Variants in MEF2D observed in about 807,000 individuals in gnomAD.
MEF2D encodes the protein myocyte enhancer factor 2D, also known as myocyte-specific enhancer factor 2D.
A neutral mutation model predicts 59.3 loss-of-function variants in MEF2D; 10 were observed. The ratio of observed to expected loss-of-function variants is 0.17; its 90% CI spans 0.10 to 0.29. The LOEUF (loss-of-function observed/expected upper bound fraction) is 0.29. MEF2D is among the 10% of genes least tolerant of loss of function. MEF2D has a pLI of 1.00. For synonymous variants in MEF2D, 305 were observed against 295.0 expected (o/e 1.03, Z -0.35); for missense variants, 508 against 699.4 (o/e 0.73, Z 3.09).
chr1:156,498,972 G>C (rs1232843413), intron 1 of MEF2D, among the ~76,000 whole-genome samples: 2 of 152,192 alleles, frequency 1.3e-5, no homozygotes, highest in Non-Finnish European at 2.9e-5. Context: ...GGGCGGGTGT[G>C]ACCCCGTGGC....
chr1:156,469,036 G>C lies in MEF2D; in HGVS notation c.1007-16C>G. The C allele has an allele frequency of 6.3e-7, 1 of 1,581,902 alleles. No individual in the cohort carries two copies. The highest frequency in any genetic ancestry group is 8.6e-7 in the Non-Finnish European group (1 of 1,156,766). ...AACTGGTAATCTGCATGGAGGAAAA[G>C]TGAGGATGAACCTGGAGTTGGGGAG... On this transcript the variant is annotated splice_polypyrimidine_tract_variant and intron_variant, in intron 9 of 11. Transcript: ENST00000348159.
At chr1:156,480,568 TCAGGGCAGCCGAGAGC>T in intron 4 of MEF2D, 1 of 1,440,426 alleles carries the variant, frequency 6.9e-7, no homozygotes, top group East Asian at 2.5e-5. Context: ...GGAGCACCCA[TCAGGGCAGCCGAGAGC>T]CAGGGCGCGA....
At chr1:156,477,484 G>A (rs530774317) in intron 6 of MEF2D, among the ~76,000 whole-genome samples, 1 of 152,194 alleles carries the variant, frequency 6.6e-6, no homozygotes, top group East Asian at 1.9e-4. Flanking sequence ...GGAAGAACTG[G>A]AAAGCAGCCA....
intron 1 of MEF2D, among the ~76,000 whole-genome samples, chr1:156,493,211 A>C (rs1212187611): frequency 6.6e-6 from 1 of 152,070 alleles, no homozygotes; most frequent in African/African-American, 2.4e-5. Context: ...GGGCCCTCAG[A>C]CTGGACAGCA....
At chr1:156,469,758 G>C (rs1571216778) in intron 9 of MEF2D, among the ~76,000 whole-genome samples, 2 of 152,114 alleles carry the variant, frequency 1.3e-5, no homozygotes, top group South Asian at 4.2e-4. Context: ...GTGGTGGGGT[G>C]CACTGTAGTT....
Position 156,468,241 on chromosome 1 carries a change from T to C in MEF2D, c.1306A>G (p.Ile436Val). 6.3e-7 allele frequency: 1 copy of C among 1,598,182 alleles called. No individual in the cohort carries two copies. The highest frequency in any genetic ancestry group is 8.5e-7 in the Non-Finnish European group (1 of 1,170,366). The change falls in exon 11 of 12, where the codon ATC becomes GTC. Residue 436 changes from isoleucine to valine, a missense_variant. By Grantham distance (29) the Ile-to-Val change is conservative. Around this residue, in one of 2 missense-constraint regions of MEF2D, gnomAD observed 481 missense variants for 584.7 expected, o/e 0.82. Transcript: ENST00000348159. The surrounding 1 kb of genome is among the most constrained non-coding windows in gnomAD (Gnocchi z 4.3). ...GACACCGGTTCTGACTTGATGCTGA[T>C]GTGGGGGTGGGTGGTGACTGTGAGG... ...AALTVTTHPHISIKSEPVSPS... is the reference protein window; with the variant it reads ...AALTVTTHPHVSIKSEPVSPS...
At chr1:156,477,605 C>T (rs1159848820) in intron 6 of MEF2D, among the ~76,000 whole-genome samples, 1 of 152,228 alleles carries the variant, frequency 6.6e-6, no homozygotes, top group Non-Finnish European at 1.5e-5. Context: ...TTAGGTCCCA[C>T]AGTCTACCCC....
intron 1 of MEF2D, among the ~76,000 whole-genome samples, chr1:156,489,522 G>A (rs1419595998): frequency 6.6e-6 from 1 of 152,090 alleles, no homozygotes; most frequent in Non-Finnish European, 1.5e-5. Context: ...TAGAGGAGAG[G>A]GAGAGGCAGG....
rs1445765534 is a variant in MEF2D at position 156,466,030 on chromosome 1, G to GAT, written c.*1613_*1614dup. The stretch of plus-strand genomic sequence containing the variant: ...GGCCAGGCCCCTTAGGGCGGGGGGT[G>GAT]ATCCTAGAGAGCAGGCTGGGGGCCT... On this transcript the variant is annotated 3_prime_UTR_variant, in exon 12 of 12. Transcript: ENST00000348159. 2.0e-5 allele frequency: 3 copies of GAT among 152,150 alleles called. No homozygotes were observed. The highest frequency in any genetic ancestry group is 6.5e-5 in the Admixed American group (1 of 15,280). 9.4% of individuals were successfully genotyped at this position (152,150 alleles called of 1,614,324 possible).
chr1:156,480,671 T>C, intron 4 of MEF2D, 163 bp downstream of exon 4: 1 of 1,564,446 alleles, frequency 6.4e-7, no homozygotes, highest in Non-Finnish European at 8.7e-7. Context: ...CATCATTTTA[T>C]CAAACTCCTC....
intron 1 of MEF2D, among the ~76,000 whole-genome samples, chr1:156,498,419 G>T (rs1437374439): frequency 6.6e-6 from 1 of 152,130 alleles, no homozygotes; most frequent in Non-Finnish European, 1.5e-5. Context: ...CTTGGACTGG[G>T]GCTTCCATGA....
intron 1 of MEF2D, chr1:156,484,129 G>A (rs1571250222): frequency 6.6e-6 from 1 of 152,378 alleles, no homozygotes; most frequent in Middle Eastern, 3.1e-3. Flanking sequence ...AGTGAGAAGA[G>A]AAGAAAGAGT....
chr1:156,476,435 G>A (rs1415770195), intron 8 of MEF2D, 59 bp downstream of exon 8: 10 of 1,578,356 alleles, frequency 6.3e-6, no homozygotes, highest in Non-Finnish European at 8.7e-6. Flanking sequence ...CATGCTGGGG[G>A]ACCGCAGAGC....
In MEF2D at chr1:156,464,564, AGT is replaced by A. The variant is rs1335358947; in HGVS notation, c.*3079_*3080del. The A allele has an allele frequency of 1.3e-5, 2 of 152,104 alleles. No individual in the cohort carries two copies. The highest frequency in any genetic ancestry group is 2.9e-5 in the Non-Finnish European group (2 of 68,052). 9.4% of individuals were successfully genotyped at this position (152,104 alleles called of 1,614,324 possible). A position where few individuals can be genotyped will look rare whatever the true frequency, so the allele number is the denominator to read the frequency against. ...GGCAAATGCCCAGTTCTTCAGAGGG[AGT>A]GGGTGGAGGCGAATTTGGCTTGAGA... is the stretch of plus-strand genomic sequence containing the variant. On this transcript the variant is annotated 3_prime_UTR_variant, in exon 12 of 12. Transcript: ENST00000348159.
At chr1:156,476,947 G>A in intron 7 of MEF2D, 65 bp downstream of exon 7, 1 of 1,579,304 alleles carries the variant, frequency 6.3e-7, no homozygotes, top group Non-Finnish European at 8.7e-7. Flanking sequence ...CTAGAGGTCT[G>A]CTCTTTCCCC....
intron 1 of MEF2D, among the ~76,000 whole-genome samples, chr1:156,498,005 C>T (rs1480888805): frequency 6.6e-6 from 1 of 151,210 alleles, no homozygotes; most frequent in East Asian, 1.9e-4. Flanking sequence ...AAGGCACCTC[C>T]CACTCCAAGC....
In MEF2D at chr1:156,483,296, C is replaced by G. The variant is rs571679598; in HGVS notation, c.-4G>C. The G allele has an allele frequency of 1.1e-4, 181 of 1,614,160 alleles. 1 individual carries two copies. The South Asian group carries it at 2.0e-3, about 17-fold the overall frequency. On this transcript the variant is annotated 5_prime_UTR_variant, in exon 2 of 12. Coordinates refer to ENST00000348159, the MANE Select transcript of MEF2D (RefSeq NM_005920.4). ...TCTGAATCTTTTTCCTCCCCATCTT[C>G]TCCGGGGGTCCTCAGTGCTACGGAG...
chr1:156,479,435 G>A lies in MEF2D; in HGVS notation c.608-89C>T, dbSNP rs138541401. ...ACTGAACATGAAGAGGGGACCCCAG[G>A]AGGAAGAGTCATACTCCCTTCCCTC... On this transcript the variant is annotated intron_variant, in intron 5 of 11. Transcript: ENST00000348159. 435 of 1,509,264 alleles carry A rather than the reference G, an allele frequency of 2.9e-4. No individual in the cohort carries two copies. In the African/African-American group the frequency reaches 4.2e-3, roughly 15 times the overall value. 93.5% of individuals were successfully genotyped at this position (1,509,264 alleles called of 1,614,324 possible). A position where few individuals can be genotyped will look rare whatever the true frequency, so the allele number is the denominator to read the frequency against.
At chr1:156,475,005 C>G in intron 9 of MEF2D, 103 bp downstream of exon 9, 1 of 1,528,016 alleles carries the variant, frequency 6.5e-7, no homozygotes, top group Non-Finnish European at 8.9e-7. Context: ...ATCAGTAGCC[C>G]TCCTCAGATG....
Sources: gnomAD v4.1 joint callset for allele counts (sites outside exome capture counted in the v4.1 genomes callset) on GRCh38, gnomAD v4.1.1 for gene constraint, gnomAD v4.1.1 regional missense constraint, Gnocchi (gnomAD v3.1) non-coding constraint, MANE v1.5 for transcripts, NCBI Gene and HGNC (gene_info 2026-07-23, HGNC 2026-07-21) for gene names.